The following NMNAT3 variants were observed in gnomAD, a reference collection of about 807,000 sequenced individuals.
NMNAT3 encodes the protein nicotinamide nucleotide adenylyltransferase 3, also known as nicotinamide/nicotinic acid mononucleotide adenylyltransferase 3.
Under a neutral mutation model 24.8 loss-of-function variants are expected in NMNAT3, and 21 were observed. That is an observed-to-expected ratio of 0.85 (90% confidence interval 0.60 to 1.22). The LOEUF (loss-of-function observed/expected upper bound fraction) is 1.22. Among genes scored for constraint, NMNAT3 ranks in the 50% most tolerant of loss-of-function variants. The pLI, the probability that NMNAT3 is intolerant of heterozygous loss-of-function variation, is 0.00. For missense variants in NMNAT3, 387 were observed against 436.6 expected (o/e 0.89, Z 1.01); for synonymous variants, 136 against 155.2 (o/e 0.88, Z 0.92).
chr3:139,641,348 T>G (rs1576720398), intron 1 of NMNAT3, among the ~76,000 whole-genome samples: 1 of 152,252 alleles, frequency 6.6e-6, no homozygotes, highest in East Asian at 1.9e-4. Context: ...TCTGCTATGC[T>G]ACGTCTTAGC....
At chr3:139,648,461 G>T (rs1417740698) in intron 1 of NMNAT3, among the ~76,000 whole-genome samples, 1 of 152,222 alleles carries the variant, frequency 6.6e-6, no homozygotes, top group African/African-American at 2.4e-5. Context: ...GCAGGAGGCT[G>T]AAGGCATGAG....
chr3:139,585,143 C>T (rs185076742), intron 3 of NMNAT3, among the ~76,000 whole-genome samples: 40 of 152,082 alleles, frequency 2.6e-4, no homozygotes, highest in African/African-American at 9.2e-4. Context: ...GATTTTCTGT[C>T]CAGTAGTTCT....
At chr3:139,639,479 A>G (rs1294665042) in intron 1 of NMNAT3, among the ~76,000 whole-genome samples, 5 of 152,242 alleles carry the variant, frequency 3.3e-5, no homozygotes. Flanking sequence ...ACTGTCCAGT[A>G]TAATGAAGAT....
chr3:139,648,086 C>T (rs1204580200), intron 1 of NMNAT3, among the ~76,000 whole-genome samples: 1 of 152,174 alleles, frequency 6.6e-6, no homozygotes, highest in East Asian at 1.9e-4. Flanking sequence ...ATTGTAATCA[C>T]CACATGTTGA....
At chr3:139,661,035 C>T (rs193165526) in intron 1 of NMNAT3, among the ~76,000 whole-genome samples, 56 of 152,216 alleles carry the variant, frequency 3.7e-4, no homozygotes, top group African/African-American at 7.9e-4. Context: ...AAAGGAATGA[C>T]GCCACCATGG....
At chr3:139,642,269 G>A (rs1260068115) in intron 1 of NMNAT3, among the ~76,000 whole-genome samples, 5 of 152,328 alleles carry the variant, frequency 3.3e-5, no homozygotes, top group Admixed American at 1.3e-4. Flanking sequence ...GTTCAGTGGC[G>A]TGTGGCCCAA....
intron 1 of NMNAT3, among the ~76,000 whole-genome samples, chr3:139,653,724 CCCTATTCCAGCCCCAG>C (rs1386750351): frequency 3.3e-5 from 5 of 152,204 alleles, no homozygotes; most frequent in African/African-American, 1.2e-4. Flanking sequence ...CACAGCCCCA[CCCTATTCCAGCCCCAG>C]AAACTCCTCA....
chr3:139,652,067 C>A (rs140820024), intron 1 of NMNAT3, among the ~76,000 whole-genome samples: 3 of 152,284 alleles, frequency 2.0e-5, no homozygotes, highest in African/African-American at 7.2e-5. Flanking sequence ...TAGAGGCCCC[C>A]AAAGCCTAGG....
intron 3 of NMNAT3, among the ~76,000 whole-genome samples, chr3:139,602,795 T>C (rs2054775898): frequency 6.6e-6 from 1 of 152,248 alleles, no homozygotes; most frequent in Non-Finnish European, 1.5e-5. Flanking sequence ...TGTAAATGTT[T>C]GATGTAGTTA....
At chr3:139,668,652 A>G (rs2057661120) in intron 1 of NMNAT3, among the ~76,000 whole-genome samples, 1 of 152,244 alleles carries the variant, frequency 6.6e-6, no homozygotes, top group African/African-American at 2.4e-5. Flanking sequence ...TTTGTTGACC[A>G]TTCACAGAAA....
chr3:139,669,476 C>CAAAA (rs1491427335), intron 1 of NMNAT3, among the ~76,000 whole-genome samples: 2 of 34,488 alleles, frequency 5.8e-5, no homozygotes, highest in Admixed American at 3.2e-4. Flanking sequence ...GACCCTGTCT[C>CAAAA]AGAAAAAAAA....
chr3:139,576,605 G>A (rs1407167074), intron 5 of NMNAT3, among the ~76,000 whole-genome samples: 1 of 152,174 alleles, frequency 6.6e-6, no homozygotes, highest in Non-Finnish European at 1.5e-5. Flanking sequence ...GGCAGCTGAA[G>A]CTGTGAGCTA....
At chr3:139,661,370 CAT>C (rs2057411283) in intron 1 of NMNAT3, among the ~76,000 whole-genome samples, 1 of 152,118 alleles carries the variant, frequency 6.6e-6, no homozygotes, top group South Asian at 2.1e-4. Context: ...AAATCACAAA[CAT>C]ATAGAAAAGT....
chr3:139,656,917 TA>T (rs1313191968), intron 1 of NMNAT3, among the ~76,000 whole-genome samples: 9 of 152,346 alleles, frequency 5.9e-5, no homozygotes, highest in Non-Finnish European at 1.3e-4. Flanking sequence ...CACTAGTAAC[TA>T]AAAGTTAATA....
intron 1 of NMNAT3, among the ~76,000 whole-genome samples, 161 bp downstream of exon 1, chr3:139,677,544 C>G (rs1012743881): frequency 1.3e-5 from 2 of 152,202 alleles, no homozygotes; most frequent in Non-Finnish European, 2.9e-5. Context: ...GGAGCTGTCC[C>G]CCCGGTTCGC....
At chr3:139,660,404 C>T (rs2057377287) in intron 1 of NMNAT3, among the ~76,000 whole-genome samples, 1 of 152,190 alleles carries the variant, frequency 6.6e-6, no homozygotes, top group Non-Finnish European at 1.5e-5. Context: ...AATGTTTCCT[C>T]CACTAACAGA....
chr3:139,647,032 T>A (rs1226246587), intron 1 of NMNAT3, among the ~76,000 whole-genome samples: 1 of 152,246 alleles, frequency 6.6e-6, no homozygotes, highest in Non-Finnish European at 1.5e-5. Context: ...AAAAAATGTA[T>A]GGCATGGGTT....
intron 1 of NMNAT3, among the ~76,000 whole-genome samples, chr3:139,667,016 T>C (rs1175800475): frequency 6.6e-6 from 1 of 152,222 alleles, no homozygotes; most frequent in African/African-American, 2.4e-5. Context: ...GACATTTAGG[T>C]TGATTCCAAG....
intron 1 of NMNAT3, among the ~76,000 whole-genome samples, chr3:139,667,826 A>G (rs1186482926): frequency 6.6e-6 from 1 of 152,258 alleles, no homozygotes; most frequent in Non-Finnish European, 1.5e-5. Flanking sequence ...GGTAGCAGAA[A>G]CAATCTGAGA....
Sources: allele counts gnomAD v4.1 joint callset (sites outside exome capture counted in the v4.1 genomes callset), GRCh38; gene constraint gnomAD v4.1.1; transcripts MANE v1.5; gene names NCBI Gene and HGNC (gene_info 2026-07-23, HGNC 2026-07-21).